Variants in KIF27 observed in about 807,000 individuals in gnomAD.
The protein encoded by KIF27 is kinesin-like protein KIF27.
KIF27 carries 84 observed loss-of-function variants against 141.8 expected under a neutral mutation model. The ratio of observed to expected loss-of-function variants is 0.59; its 90% CI spans 0.50 to 0.71. KIF27 has a LOEUF of 0.71. KIF27 is among the 30% of genes least tolerant of loss of function. The pLI is 0.00. For synonymous variants in KIF27, 471 were observed against 569.5 expected (o/e 0.83, Z 2.46); for missense variants, 1,306 against 1,628.4 (o/e 0.80, Z 3.41).
At position 83,837,276 on chromosome 9, in the gene KIF27, G is replaced by A. The variant is rs764086639; in HGVS notation, c.3931C>T (p.Pro1311Ser). 1.9e-6 allele frequency: 3 copies of A among 1,607,094 alleles called. No individual in the cohort carries two copies. Among genetic ancestry groups the A allele is most frequent in the South Asian group, 1.1e-5 (1 of 90,220 alleles). The part of the protein sequence containing the change: ...ELPPIHSSLA[P>S]PSGHMLGNEN... Reference sequence around the variant, plus strand: ...TTACCTAACATATGCCCACTGGGGGGTGCTAAAGAACTATGAATTGGAGGT... The same window carrying A: ...TTACCTAACATATGCCCACTGGGGGATGCTAAAGAACTATGAATTGGAGGT... Residue 1311 changes from proline (P) to serine (S), a missense_variant, in exon 18 of 18, where the codon CCC (proline) becomes TCC (serine). Transcript: ENST00000297814.
At chr9:83,874,810 T>C (rs1348434092) in intron 11 of KIF27, among the ~76,000 whole-genome samples, 1 of 149,978 alleles carries the variant, frequency 6.7e-6, no homozygotes, top group Non-Finnish European at 1.5e-5. Flanking sequence ...GGCATGTGCC[T>C]GCAGTCCTAG....
At chr9:83,887,346 C>T in intron 8 of KIF27, 150 bp from the exon 9 acceptor site, 2 of 534,006 alleles carry the variant, frequency 3.7e-6, no homozygotes, top group Non-Finnish European at 6.3e-6. Flanking sequence ...AAAAAATACA[C>T]AGCAATTGGG....
chr9:83,848,046 C>T (rs1285208696), intron 16 of KIF27: 4 of 86,482 alleles, frequency 4.6e-5, no homozygotes, highest in East Asian at 6.1e-4. Context: ...TATATATCTA[C>T]ATATATCTAT....
At chr9:83,859,689 G>C in intron 13 of KIF27, 2 of 257,132 alleles carry the variant, frequency 7.8e-6, no homozygotes, top group Non-Finnish European at 1.5e-5. Context: ...TCATCACCAT[G>C]TGCAGCTAAT....
At chr9:83,870,153 A>ATCTATC (rs936352211) in intron 12 of KIF27, among the ~76,000 whole-genome samples, 1 of 151,914 alleles carries the variant, frequency 6.6e-6, no homozygotes, top group Non-Finnish European at 1.5e-5. Context: ...CTATCTATCT[A>ATCTATC]TCTATCTATC....
rs765108006 is a variant in KIF27, at chr9:83,904,055, T to C, written c.500-37A>G. ...AATAACATGTTTTTAAGCCAAGTTT[T>C]CATCAAAACCTAGTATAGTTAACAG... On this transcript the variant is annotated intron_variant, in intron 3 of 17. Coordinates refer to ENST00000297814, the MANE Select transcript of KIF27 (RefSeq NM_017576.4). 3.3e-6 allele frequency: 5 copies of C among 1,505,708 alleles called. No individual in the cohort carries two copies. The African/African-American group carries it at 5.5e-5, about 17-fold the overall frequency. 93.3% of individuals were successfully genotyped at this position (1,505,708 alleles called of 1,614,324 possible). A position where few individuals can be genotyped will look rare whatever the true frequency, so the allele number is the denominator to read the frequency against.
chr9:83,884,540 T>C (rs1951931244), intron 9 of KIF27, among the ~76,000 whole-genome samples: 4 of 152,226 alleles, frequency 2.6e-5, no homozygotes, highest in African/African-American at 9.7e-5. Flanking sequence ...TTGTTTTACT[T>C]TGCTTAAATA....
intron 1 of KIF27, among the ~76,000 whole-genome samples, chr9:83,918,112 A>T (rs1955875907): frequency 1.3e-5 from 2 of 150,940 alleles, no homozygotes; most frequent in Non-Finnish European, 3.0e-5. Context: ...CTACAAAGAA[A>T]TTTTTTTTTT....
intron 13 of KIF27, among the ~76,000 whole-genome samples, chr9:83,860,560 C>A (rs1949779943): frequency 6.6e-6 from 1 of 152,144 alleles, no homozygotes; most frequent in South Asian, 2.1e-4. Flanking sequence ...AATGATCATG[C>A]TTCTGTTTTG....
chr9:83,897,611 T>C (rs746719002), intron 5 of KIF27, among the ~76,000 whole-genome samples: 1 of 152,114 alleles, frequency 6.6e-6, no homozygotes, highest in East Asian at 1.9e-4. Flanking sequence ...AAGGAAAAGA[T>C]TGATGAATTT....
At chr9:83,895,077 C>T (rs1953053682) in intron 5 of KIF27, among the ~76,000 whole-genome samples, 1 of 151,096 alleles carries the variant, frequency 6.6e-6, no homozygotes, top group Non-Finnish European at 1.5e-5. Flanking sequence ...CAGTGAAACC[C>T]CGTCTCCACT....
At chr9:83,888,743 G>GC (rs60702413) in intron 7 of KIF27, 151 bp from the exon 8 acceptor site, 221 of 407,764 alleles carry the variant, frequency 5.4e-4, no homozygotes, top group South Asian at 1.7e-3. Flanking sequence ...ATAAAAGGAT[G>GC]CCCCCCCCAT....
chr9:83,834,719 ATATT>A lies in KIF27; in HGVS notation c.*2278_*2281del, dbSNP rs1343204192. On this transcript the variant is annotated 3_prime_UTR_variant, in exon 18 of 18. Coordinates refer to ENST00000297814, the MANE Select transcript of KIF27 (RefSeq NM_017576.4). ...TTATTATTAGGATCTTCATTAATAA[ATATT>A]TATTTATAAATATTGCTGTGCTTGC... 4.0e-5 allele frequency among the ~76,000 whole-genome samples: 6 copies of A among 151,296 alleles called. No individual in the cohort carries two copies. Among genetic ancestry groups the A allele is most frequent in the South Asian group, 2.1e-4 (1 of 4,822 alleles).
chr9:83,920,054 A>T (rs1011905868), intron 1 of KIF27, among the ~76,000 whole-genome samples: 1 of 152,172 alleles, frequency 6.6e-6, no homozygotes, highest in African/African-American at 2.4e-5. Flanking sequence ...CAACATGGTG[A>T]AACCCTGTCT....
At chr9:83,842,540 A>G (rs1412111422) in intron 16 of KIF27, 139 bp from the exon 17 acceptor site, 2 of 1,134,570 alleles carry the variant, frequency 1.8e-6, no homozygotes, top group Middle Eastern at 3.2e-4. Context: ...TGCTCGGCTC[A>G]CTGTAAGCTC....
chr9:83,897,711 C>T (rs1054068971), intron 5 of KIF27, among the ~76,000 whole-genome samples: 1 of 151,574 alleles, frequency 6.6e-6, no homozygotes. Context: ...AGTGACAAAG[C>T]GCTCACACCC....
In KIF27 at chr9:83,889,097, T is replaced by C. The variant is rs1287671817; in HGVS notation, c.1966A>G (p.Lys656Glu). The C allele has an allele frequency of 1.9e-6, 3 of 1,612,116 alleles. No homozygotes were observed. Among genetic ancestry groups the C allele is most frequent in the Non-Finnish European group, 1.7e-6 (2 of 1,178,928 alleles). The change falls in exon 7 of 18, where the codon AAA becomes GAA. Residue 656 changes from lysine (K) to glutamate (E), a missense_variant. Physicochemically the swap from Lys to Glu is moderately conservative, Grantham distance 56. Around this residue, in one of 4 missense-constraint regions of KIF27, gnomAD observed 596 missense variants for 751.6 expected, o/e 0.79. Transcript: ENST00000297814. ...SDDEESEGQE[K>E]SGTRCRSRSW... Reference sequence around the variant, plus strand: ...TATTTAACATACCTAGTTCCAGATTTCTCTTGGCCTTCTGATTCTTCATCA... The same window carrying C: ...TATTTAACATACCTAGTTCCAGATTCCTCTTGGCCTTCTGATTCTTCATCA...
intron 13 of KIF27, among the ~76,000 whole-genome samples, chr9:83,864,382 C>T (rs1588070786): frequency 6.6e-6 from 1 of 152,102 alleles, no homozygotes; most frequent in South Asian, 2.1e-4. Context: ...TGTCTTTGTT[C>T]TTGTTGGTTT....
At chr9:83,859,603 C>T in intron 13 of KIF27, 1 of 462,626 alleles carries the variant, frequency 2.2e-6, no homozygotes, top group Non-Finnish European at 3.9e-6. Flanking sequence ...GCAACCTCAG[C>T]TCACTGCAAC....
Sources: allele counts gnomAD v4.1 joint callset (sites outside exome capture counted in the v4.1 genomes callset), GRCh38; gene constraint gnomAD v4.1.1; regional missense constraint gnomAD v4.1.1; transcripts MANE v1.5; gene names NCBI Gene and HGNC (gene_info 2026-07-23, HGNC 2026-07-21).